NPAS3: variants seen among roughly 807,000 people sequenced by gnomAD.
NPAS3 encodes neuronal PAS domain-containing protein 3.
A neutral mutation model predicts 73.1 loss-of-function variants in NPAS3; 14 were observed. The ratio of observed to expected loss-of-function variants is 0.19; its 90% CI spans 0.13 to 0.30. The LOEUF (loss-of-function observed/expected upper bound fraction) is 0.30, where lower values mean the gene tolerates loss of function less well. Ranked by LOEUF, NPAS3 falls within the 10% of genes least tolerant of loss-of-function variation. NPAS3 has a pLI of 1.00. For synonymous variants in NPAS3, 620 were observed against 541.5 expected (o/e 1.14, Z -2.01); for missense variants, 1,096 against 1,250.0 (o/e 0.88, Z 1.86).
chr14:33,029,131 G>T (rs1353250507), intron 1 of NPAS3, among the ~76,000 whole-genome samples: 1 of 152,138 alleles, frequency 6.6e-6, no homozygotes, highest in Admixed American at 6.6e-5. Flanking sequence ...GGGACTGTGT[G>T]ATGCAGCTAG....
At chr14:33,493,935 T>G (rs1391920236) in intron 4 of NPAS3, among the ~76,000 whole-genome samples, 1 of 152,090 alleles carries the variant, frequency 6.6e-6, no homozygotes, top group Non-Finnish European at 1.5e-5. Flanking sequence ...AATGACTGGG[T>G]TTTTGAGGAC....
At chr14:33,004,132 G>GA (rs1460764671) in intron 1 of NPAS3, among the ~76,000 whole-genome samples, 1 of 152,154 alleles carries the variant, frequency 6.6e-6, no homozygotes, top group Non-Finnish European at 1.5e-5. Context: ...CAGACATGTA[G>GA]AAAACACTCA....
intron 3 of NPAS3, among the ~76,000 whole-genome samples, chr14:33,304,002 G>T (rs1004958250): frequency 2.0e-5 from 3 of 152,152 alleles, no homozygotes; most frequent in Non-Finnish European, 4.4e-5. Flanking sequence ...CCACCTCCCG[G>T]GTTCACGCCA....
intron 4 of NPAS3, among the ~76,000 whole-genome samples, chr14:33,418,139 A>G (rs188014373): frequency 1.3e-5 from 2 of 152,034 alleles, no homozygotes; most frequent in African/African-American, 2.4e-5. Flanking sequence ...TTTAAAGTGT[A>G]TGTCCTCCAA....
At chr14:33,317,210 G>A (rs1050801343) in intron 3 of NPAS3, among the ~76,000 whole-genome samples, 2 of 152,064 alleles carry the variant, frequency 1.3e-5, no homozygotes, top group Admixed American at 6.6e-5. Flanking sequence ...ATTAATGATT[G>A]AATAACATTA....
intron 4 of NPAS3, among the ~76,000 whole-genome samples, chr14:33,535,094 C>T (rs957524181): frequency 6.6e-5 from 10 of 152,114 alleles, no homozygotes; most frequent in African/African-American, 2.2e-4. Flanking sequence ...TAGAGAGATG[C>T]TGTTTGAGCC....
chr14:33,013,878 T>G (rs2039298968), intron 1 of NPAS3, among the ~76,000 whole-genome samples: 1 of 152,170 alleles, frequency 6.6e-6, no homozygotes, highest in South Asian at 2.1e-4. Context: ...GCATTTAAAT[T>G]TGGATAAATA....
At chr14:33,265,934 G>A (rs2040794853) in intron 3 of NPAS3, among the ~76,000 whole-genome samples, 1 of 151,466 alleles carries the variant, frequency 6.6e-6, no homozygotes, top group Non-Finnish European at 1.5e-5. Flanking sequence ...ATAAGAAGTA[G>A]AGATAGGTAT....
intron 2 of NPAS3, among the ~76,000 whole-genome samples, chr14:33,061,441 T>C (rs1316145034): frequency 6.6e-6 from 1 of 152,238 alleles, no homozygotes. Context: ...TAGCAAGAAC[T>C]GCTTCAAGCC....
At chr14:33,479,213 T>C (rs2051192369) in intron 4 of NPAS3, among the ~76,000 whole-genome samples, 1 of 152,214 alleles carries the variant, frequency 6.6e-6, no homozygotes, top group Non-Finnish European at 1.5e-5. Context: ...TGCATGTTTA[T>C]GAAGAGTATG....
At chr14:33,365,543 C>T (rs73258879) in intron 3 of NPAS3, among the ~76,000 whole-genome samples, 3,051 of 152,204 alleles carry the variant, frequency 0.02, 103 homozygotes, top group African/African-American at 0.069. Context: ...TGTTTTGCTT[C>T]TGAAGCAAAT....
At chr14:33,404,857 C>A (rs962100637) in intron 4 of NPAS3, among the ~76,000 whole-genome samples, 2 of 152,098 alleles carry the variant, frequency 1.3e-5, no homozygotes, top group East Asian at 1.9e-4. Context: ...GGAGTTCTAA[C>A]GCCCAGATCT....
At chr14:32,989,744 C>T (rs1339408674) in intron 1 of NPAS3, among the ~76,000 whole-genome samples, 1 of 152,156 alleles carries the variant, frequency 6.6e-6, no homozygotes, top group Non-Finnish European at 1.5e-5. Context: ...TATCACAATA[C>T]CTGTGAATTG....
chr14:33,147,725 T>TAAAAAAAAA (rs72264623), intron 2 of NPAS3, among the ~76,000 whole-genome samples: 3 of 91,636 alleles, frequency 3.3e-5, no homozygotes, highest in African/African-American at 1.5e-4. Context: ...TAAAGTAGAA[T>TAAAAAAAAA]AAAAAATATA....
intron 2 of NPAS3, among the ~76,000 whole-genome samples, chr14:33,110,069 T>C (rs1479082412): frequency 6.6e-6 from 1 of 152,086 alleles, no homozygotes; most frequent in African/African-American, 2.4e-5. Flanking sequence ...AATAGTATTT[T>C]GCTGATATAT....
At chr14:33,640,324 G>A (rs981514046) in intron 5 of NPAS3, among the ~76,000 whole-genome samples, 1 of 152,056 alleles carries the variant, frequency 6.6e-6, no homozygotes, top group Non-Finnish European at 1.5e-5. Flanking sequence ...AAAACACATT[G>A]TACCCATCAG....
At position 33,493,324 on chromosome 14, in the gene NPAS3, C is replaced by CT. The variant is rs202231064; in HGVS notation, c.469-66783dup. On this transcript the variant is annotated intron_variant, in intron 4 of 11. Transcript: ENST00000356141. ...GTAAAGTTCTGTTTGCTCTCTTAGT[C>CT]TTTTTTTTTTTTTTCACACTCCTAA... 7.6e-3 allele frequency among the ~76,000 whole-genome samples: 1,081 copies of CT among 141,672 alleles called. 13 individuals carry two copies. Among genetic ancestry groups the CT allele is most frequent in the African/African-American group, 0.023 (913 of 38,890 alleles). 92.9% of individuals were successfully genotyped at this position (141,672 alleles called of 152,430 possible). A position where few individuals can be genotyped will look rare whatever the true frequency, so the allele number is the denominator to read the frequency against.
chr14:33,340,295 G>C (rs907533102), intron 3 of NPAS3, among the ~76,000 whole-genome samples: 2 of 152,172 alleles, frequency 1.3e-5, no homozygotes, highest in African/African-American at 4.8e-5. Context: ...AGGAGTTTGA[G>C]ACCAGCCTGA....
At chr14:33,616,790 G>A (rs1396626510) in intron 5 of NPAS3, among the ~76,000 whole-genome samples, 1 of 152,160 alleles carries the variant, frequency 6.6e-6, no homozygotes, top group African/African-American at 2.4e-5. Flanking sequence ...ATTAATCTGA[G>A]CTAAAACATA....
Sources: gnomAD v4.1 joint callset for allele counts (sites outside exome capture counted in the v4.1 genomes callset) on GRCh38, gnomAD v4.1.1 for gene constraint, MANE v1.5 for transcripts, NCBI Gene and HGNC (gene_info 2026-07-23, HGNC 2026-07-21) for gene names.